NLRP14: variants seen among roughly 807,000 people sequenced by gnomAD.
NLRP14 encodes NLR family pyrin domain containing 14, also known as NACHT, LRR and PYD domains-containing protein 14.
A neutral mutation model predicts 94.7 loss-of-function variants in NLRP14; 105 were observed. The observed-to-expected ratio is 1.11, with a 90% CI of 0.95 to 1.30. The LOEUF (loss-of-function observed/expected upper bound fraction) is 1.30. NLRP14 is among the 50% of genes most tolerant of loss of function. The pLI, the probability that NLRP14 is intolerant of heterozygous loss-of-function variation, is 0.00. For missense variants in NLRP14, 1,362 were observed against 1,254.1 expected (o/e 1.09, Z -1.30); for synonymous variants, 508 against 459.9 (o/e 1.10, Z -1.34).
chr11:7,086,585 G>T, the NLRP14 span, among the ~76,000 whole-genome samples: 1 of 152,210 alleles, frequency 6.6e-6, no homozygotes, highest in Non-Finnish European at 1.5e-5. Flanking sequence ...ACATTCCCCA[G>T]TCAGACACAA....
chr11:7,088,978 G>C, the NLRP14 span: 1 of 958,034 alleles, frequency 1.0e-6, no homozygotes, highest in Non-Finnish European at 1.6e-6. Context: ...CCTGCAGCGG[G>C]GCTCCGGCTG....
At chr11:7,040,767 G>C (rs1852235530) in intron 3 of NLRP14, among the ~76,000 whole-genome samples, 1 of 152,082 alleles carries the variant, frequency 6.6e-6, no homozygotes. Flanking sequence ...CACTAAAATA[G>C]AAAAATTACT....
At chr11:7,023,697 T>C (rs1851976834) in intron 1 of NLRP14, among the ~76,000 whole-genome samples, 1 of 152,038 alleles carries the variant, frequency 6.6e-6, no homozygotes, top group East Asian at 1.9e-4. Context: ...ACAGGTTTAA[T>C]CTCACAGTTC....
rs905309781 is a variant in NLRP14 at position 7,027,712 on chromosome 11, G to T, written c.-22+6942G>T. Among the ~76,000 whole-genome samples, 3 of 151,968 alleles carry T rather than the reference G, an allele frequency of 2.0e-5. No homozygotes were observed. In the South Asian group the frequency reaches 6.2e-4, roughly 32 times the overall value. On this transcript the variant is annotated intron_variant, in intron 1 of 11. Transcript: ENST00000299481. ...GTCTTTTTTGGCCTAGTTCAATTAG[G>T]TTTCACCCTACCGTCTCACTGAAAC... is the stretch of plus-strand genomic sequence containing the variant.
chr11:7,079,186 A>G, the NLRP14 span, among the ~76,000 whole-genome samples: 1 of 152,300 alleles, frequency 6.6e-6, no homozygotes, highest in South Asian at 2.1e-4. Flanking sequence ...TATGGTGGAT[A>G]CGTTTATCTT....
chr11:7,041,042 A>G (rs1344929130), intron 3 of NLRP14, among the ~76,000 whole-genome samples: 1 of 152,210 alleles, frequency 6.6e-6, no homozygotes, highest in East Asian at 1.9e-4. Flanking sequence ...CTGTAAGTAC[A>G]AAATAGAAAA....
chr11:7,031,020 C>T (rs1052468762), intron 1 of NLRP14, among the ~76,000 whole-genome samples: 1 of 152,164 alleles, frequency 6.6e-6, no homozygotes, highest in Non-Finnish European at 1.5e-5. Context: ...CTAGGTCAGG[C>T]GGTGGGGTCC....
intron 6 of NLRP14, among the ~76,000 whole-genome samples, chr11:7,057,372 GT>G (rs1267824218): frequency 6.6e-6 from 1 of 151,924 alleles, no homozygotes; most frequent in African/African-American, 2.4e-5. Context: ...CCAAGTTGTA[GT>G]TAGCGGAAAT....
At chr11:7,035,324 C>T (rs1852146374) in intron 1 of NLRP14, among the ~76,000 whole-genome samples, 1 of 151,984 alleles carries the variant, frequency 6.6e-6, no homozygotes, top group African/African-American at 2.4e-5. Flanking sequence ...GACTCCATCT[C>T]CAAAAAAACG....
chr11:7,068,814 CT>C (rs1195768568), intron 10 of NLRP14, among the ~76,000 whole-genome samples: 1 of 152,000 alleles, frequency 6.6e-6, no homozygotes, highest in Non-Finnish European at 1.5e-5. Context: ...CCATGTCTGG[CT>C]ATTTTTTTCT....
chr11:7,047,051 T>TCAGG (rs955130564), intron 5 of NLRP14, among the ~76,000 whole-genome samples: 1 of 152,214 alleles, frequency 6.6e-6, no homozygotes, highest in African/African-American at 2.4e-5. Flanking sequence ...CATGGGTTTT[T>TCAGG]CAGGCTTGAT....
the NLRP14 span, chr11:7,089,116 C>G: frequency 6.2e-7 from 1 of 1,613,266 alleles, no homozygotes; most frequent in East Asian, 2.2e-5. Context: ...GTTCGACCGG[C>G]AAACATGGTT....
At position 7,042,719 on chromosome 11, in the gene NLRP14, A is replaced by G. The variant is rs1169353839; in HGVS notation, c.693A>G (p.Gln231=). The change falls in exon 4 of 12, where the codon CAA becomes CAG. Residue 231 remains glutamine, a synonymous_variant. Transcript: ENST00000299481. ...INQLKERSFA[Q]LISKDWPSTE... is the part of the protein sequence containing the mutation. ...AGCTGAAAGAGAGAAGCTTTGCTCAATTGATATCAAAGGACTGGCCCAGCA... is the reference window on the plus strand; with the variant it reads ...AGCTGAAAGAGAGAAGCTTTGCTCAGTTGATATCAAAGGACTGGCCCAGCA... 1.2e-6 allele frequency: 2 copies of G among 1,614,206 alleles called. No homozygotes were observed. The highest frequency in any genetic ancestry group is 1.1e-5 in the South Asian group (1 of 91,080).
the NLRP14 span, chr11:7,089,783 G>C: frequency 1.9e-6 from 3 of 1,594,148 alleles, no homozygotes; most frequent in East Asian, 2.3e-5. Flanking sequence ...ACGGCTACTC[G>C]AGCCGAGACT....
At chr11:7,022,144 A>G (rs1851954483) in intron 1 of NLRP14, among the ~76,000 whole-genome samples, 3 of 152,186 alleles carry the variant, frequency 2.0e-5, no homozygotes, top group Admixed American at 6.5e-5. Context: ...CCTAGAGCCT[A>G]TCTGCCTCCG....
In NLRP14 at chr11:7,042,788, CTT is replaced by C; in HGVS notation, c.763_764del (p.Leu255ValfsTer4). The C allele has an allele frequency of 6.2e-7, 1 of 1,614,196 alleles. No homozygotes were observed. The highest frequency in any genetic ancestry group is 8.5e-7 in the Non-Finnish European group (1 of 1,180,022). ...AAATCATGTACCAGCCAAGTAGCCT[CTT>C]GTTTATTATTGACAGTTTCGATGAA... is the stretch of plus-strand genomic sequence containing the variant. ...EEIMYQPSSL[L>X]FIIDSFDELN... On this transcript the variant is annotated frameshift_variant, in exon 4 of 12. Transcript: ENST00000299481. LOFTEE classifies it high-confidence loss of function.
intron 6 of NLRP14, among the ~76,000 whole-genome samples, chr11:7,055,980 T>A (rs545495459): frequency 6.6e-6 from 1 of 152,160 alleles, no homozygotes; most frequent in Non-Finnish European, 1.5e-5. Flanking sequence ...TTTTGCTGGC[T>A]TACATTTAGG....
the NLRP14 span, chr11:7,089,244 G>T: frequency 6.2e-7 from 1 of 1,612,600 alleles, no homozygotes; most frequent in South Asian, 1.1e-5. Flanking sequence ...CCTGATGAAA[G>T]ACCGAGAAAC....
Position 7,071,344 on chromosome 11 carries a change from A to G in NLRP14, c.*36A>G, listed in dbSNP as rs1374390781. The G allele has an allele frequency of 3.2e-6, 5 of 1,547,636 alleles. No homozygotes were observed. The highest frequency in any genetic ancestry group is 1.4e-5 in the African/African-American group (1 of 72,308). The stretch of plus-strand genomic sequence containing the variant: ...CTGACATTCCTTTAAAAATATAAAT[A>G]TAAATACATACATACATAGATATAT... On this transcript the variant is annotated 3_prime_UTR_variant, in exon 12 of 12. Transcript: ENST00000299481.
Sources: gnomAD v4.1 joint callset for allele counts (sites outside exome capture counted in the v4.1 genomes callset) on GRCh38, gnomAD v4.1.1 for gene constraint, MANE v1.5 for transcripts, NCBI Gene and HGNC (gene_info 2026-07-23, HGNC 2026-07-21) for gene names.